The following DHX8 variants were observed in gnomAD, a reference collection of about 807,000 sequenced individuals.
DHX8 encodes the protein ATP-dependent RNA helicase DHX8.
In DHX8, 67 loss-of-function variants were observed where a neutral mutation model predicts 140.7. The observed-to-expected ratio is 0.48, with a 90% CI of 0.39 to 0.58. The LOEUF (loss-of-function observed/expected upper bound fraction) is 0.58. DHX8 is among the 20% of genes least tolerant of loss of function. The pLI, the probability that DHX8 is intolerant of heterozygous loss-of-function variation, is 0.00. For missense variants in DHX8, 887 were observed against 1,550.7 expected (o/e 0.57, Z 7.19); for synonymous variants, 533 against 553.2 (o/e 0.96, Z 0.51).
intron 15 of DHX8, 103 bp from the exon 16 acceptor site, chr17:43,508,236 G>A: frequency 7.0e-7 from 1 of 1,430,986 alleles, no homozygotes; most frequent in East Asian, 2.3e-5. Context: ...GAATATGAAT[G>A]CATATGTTCT....
rs144111505 is a variant in DHX8, at chr17:43,541,923, A to G, written c.*21-2239A>G. Among the ~76,000 whole-genome samples, 382 of 152,298 alleles carry G rather than the reference A, an allele frequency of 2.5e-3. 1 individual carries two copies. The highest frequency in any genetic ancestry group is 8.9e-3 in the African/African-American group (369 of 41,572). On this transcript the variant is annotated intron_variant, in intron 3 of 3. Coordinates refer to the DHX8 transcript ENST00000589898. ...ATTAACCTCATCCCTCCCCACAGACATGCCGAGGCACCAGTGTACATGCAC... is the reference window on the plus strand; with the variant it reads ...ATTAACCTCATCCCTCCCCACAGACGTGCCGAGGCACCAGTGTACATGCAC...
intron 2 of DHX8, chr17:43,533,384 A>G (rs1159301002): frequency 6.3e-7 from 1 of 1,586,566 alleles, no homozygotes; most frequent in Non-Finnish European, 8.6e-7. Context: ...GAGGGGGCAG[A>G]GAAGCTGGAA....
downstream of DHX8, chr17:43,529,207 G>C: frequency 6.2e-7 from 1 of 1,614,022 alleles, no homozygotes; most frequent in Non-Finnish European, 8.5e-7. Context: ...TGGCTGGCCG[G>C]TTCTTCTGGA....
chr17:43,537,934 C>A (rs536562661), intron 3 of DHX8, among the ~76,000 whole-genome samples: 1 of 152,166 alleles, frequency 6.6e-6, no homozygotes, highest in Admixed American at 6.5e-5. Flanking sequence ...CAGGACCATC[C>A]TGGCTAACAC....
chr17:43,500,186 A>G (rs1252021511), intron 11 of DHX8, 83 bp downstream of exon 11: 4 of 1,478,080 alleles, frequency 2.7e-6, no homozygotes, highest in Non-Finnish European at 3.7e-6. Context: ...CCCGGCACAC[A>G]CTAAAAATTT....
rs751228083 is a variant in DHX8 at position 43,508,499 on chromosome 17, A to G, written c.2481A>G (p.Pro827=). ...AGATGCAGACCCGAATCTTTGACCC[A>G]GCTCCACCAGGCAGCAGAAAGGTAA... ...PSEMQTRIFD[P]APPGSRKVVI... Residue 827 remains proline (P), a synonymous_variant, in exon 16 of 23, where the codon CCA becomes CCG. Transcript: ENST00000262415. The G allele has an allele frequency of 5.0e-6, 8 of 1,612,590 alleles. No individual in the cohort carries two copies. In the East Asian group the frequency reaches 1.8e-4, roughly 36 times the overall value.
intron 2 of DHX8, chr17:43,534,063 C>A: frequency 7.2e-7 from 1 of 1,382,862 alleles, no homozygotes; most frequent in Non-Finnish European, 9.3e-7. Flanking sequence ...ACCTTCTGAG[C>A]TTTGAGGACC....
Position 43,521,480 on chromosome 17 carries a change from C to A in DHX8, c.3178C>A (p.Pro1060Thr), listed in dbSNP as rs1342480052. The change falls in exon 21 of 23, where the codon CCA (proline) becomes ACA (threonine). Residue 1060 changes from proline (P) to threonine (T), a missense_variant. This residue lies in a region of DHX8 where 101 missense variants were observed against 168.2 expected (regional missense o/e 0.60). Transcript: ENST00000262415. ...NSWKNNKFSN[P>T]WCYENFIQAR... is the part of the protein sequence containing the mutation. ...CTGGAAGAACAACAAGTTCTCCAAC[C>A]CATGGTGCTATGAGAACTTTATCCA... The A allele has an allele frequency of 6.2e-7, 1 of 1,613,878 alleles. No individual in the cohort carries two copies. Among genetic ancestry groups the A allele is most frequent in the Admixed American group, 1.7e-5 (1 of 59,988 alleles).
Position 43,493,552 on chromosome 17 carries a change from T to A in DHX8, c.971T>A (p.Leu324Gln). 1.2e-6 allele frequency: 2 copies of A among 1,614,162 alleles called. No individual in the cohort carries two copies. The change falls in exon 7 of 23, where the codon CTG (leucine) becomes CAG (glutamine). Residue 324 changes from leucine (L) to glutamine (Q), a missense_variant. By Grantham distance (113) the Leu-to-Gln change is moderately radical. This residue lies in a region of DHX8 where 98 missense variants were observed against 152.7 expected (regional missense o/e 0.64). Transcript: ENST00000262415. ...GGCCAGAGGGTCAAAGTCAAAGTGC[T>A]GTCCTTCACTGGGACCAAGACCAGC... is the stretch of plus-strand genomic sequence containing the variant. ...SKGQRVKVKV[L>Q]SFTGTKTSLS...
chr17:43,511,455 C>CTTTTTTTTTTT (rs1279628229), intron 16 of DHX8, among the ~76,000 whole-genome samples: 7 of 6,594 alleles, frequency 1.1e-3, no homozygotes, highest in South Asian at 7.2e-3. Flanking sequence ...GTGATCCCAG[C>CTTTTTTTTTTT]ATTTTTTTTT....
chr17:43,489,435 TTTC>T lies in DHX8; in HGVS notation c.149-11_149-9del, dbSNP rs779874670. 3.2e-6 allele frequency: 5 copies of T among 1,577,370 alleles called. No individual in the cohort carries two copies. In the East Asian group the frequency reaches 1.1e-4, roughly 35 times the overall value. ...CATGTCTCTTCTTTTCTGAATTCTG[TTTC>T]TTATTTGCAGCTGAATTTGTGATCA... On this transcript the variant is annotated splice_polypyrimidine_tract_variant and intron_variant, in intron 1 of 22. Transcript: ENST00000262415.
At chr17:43,493,282 C>G (rs1367688925) in intron 6 of DHX8, among the ~76,000 whole-genome samples, 163 bp from the exon 7 acceptor site, 2 of 152,182 alleles carry the variant, frequency 1.3e-5, no homozygotes, top group East Asian at 1.9e-4. Context: ...CCCATGTCTC[C>G]CCATGAGGAG....
In DHX8 at chr17:43,491,257, A is replaced by G. The variant is rs1598121163; in HGVS notation, c.393+7A>G. On this transcript the variant is annotated splice_region_variant and intron_variant, in intron 4 of 22. Coordinates refer to ENST00000262415, the MANE Select transcript of DHX8 (RefSeq NM_004941.3). Reference sequence around the variant, plus strand: ...GGACAACCCTTCTGTTCGGGTACTGATACCATTTTAAGAGTGTCTACTATA... The same window carrying G: ...GGACAACCCTTCTGTTCGGGTACTGGTACCATTTTAAGAGTGTCTACTATA... 2 of 1,478,208 alleles carry G rather than the reference A, an allele frequency of 1.4e-6. No homozygotes were observed. The highest frequency in any genetic ancestry group is 4.8e-5 in the East Asian group (2 of 42,088). The allele number at this position is 1,478,208 out of a possible 1,614,324, so 91.6% of individuals were successfully genotyped here. A position where few individuals can be genotyped will look rare whatever the true frequency, so the allele number is the denominator to read the frequency against.
chr17:43,532,824 G>A, intron 2 of DHX8: 2 of 1,614,070 alleles, frequency 1.2e-6, no homozygotes, highest in Non-Finnish European at 1.7e-6. Context: ...CTCTGCTGGG[G>A]ATAGGGTGGG....
intron 18 of DHX8, 119 bp downstream of exon 18, chr17:43,517,441 C>A: frequency 8.3e-7 from 1 of 1,208,106 alleles, no homozygotes; most frequent in Non-Finnish European, 1.1e-6. Flanking sequence ...AAAGCAGTCC[C>A]TTTGAGTGAA....
intron 2 of DHX8, among the ~76,000 whole-genome samples, chr17:43,532,361 C>T (rs1347385747): frequency 2.0e-5 from 3 of 151,918 alleles, no homozygotes; most frequent in Admixed American, 6.6e-5. Flanking sequence ...TAGCCGGGCA[C>T]GGTGGCTGGT....
At chr17:43,520,341 C>A in intron 19 of DHX8, 74 bp downstream of exon 19, 1 of 1,543,628 alleles carries the variant, frequency 6.5e-7, no homozygotes, top group Non-Finnish European at 8.8e-7. Context: ...TCGGTCTGTA[C>A]AAAATCAGGC....
At chr17:43,509,856 A>G (rs1028324242) in intron 16 of DHX8, among the ~76,000 whole-genome samples, 2 of 151,484 alleles carry the variant, frequency 1.3e-5, no homozygotes, top group African/African-American at 4.9e-5. Context: ...TTTAGTAGAG[A>G]TGGGGTTTCC....
chr17:43,523,240 T>C (rs1360990121), intron 22 of DHX8, among the ~76,000 whole-genome samples: 1 of 152,134 alleles, frequency 6.6e-6, no homozygotes, highest in Non-Finnish European at 1.5e-5. Context: ...GCTCCTTGCA[T>C]GTTTGGCCTT....
Sources: allele counts gnomAD v4.1 joint callset (sites outside exome capture counted in the v4.1 genomes callset), GRCh38; gene constraint gnomAD v4.1.1; regional missense constraint gnomAD v4.1.1; transcripts MANE v1.5; gene names NCBI Gene and HGNC (gene_info 2026-07-23, HGNC 2026-07-21).